TGFB2: variants seen among roughly 807,000 people sequenced by gnomAD.
TGFB2 encodes the protein transforming growth factor beta 2.
A neutral mutation model predicts 42.7 loss-of-function variants in TGFB2; 13 were observed. The observed-to-expected ratio is 0.30, with a 90% confidence interval of 0.20 to 0.48. The LOEUF (loss-of-function observed/expected upper bound fraction) is 0.48. Ranked by LOEUF, TGFB2 falls within the 20% of genes least tolerant of loss-of-function variation. The pLI is 0.99. For synonymous variants in TGFB2, 193 were observed against 193.6 expected (o/e 1.00, Z 0.03); for missense variants, 390 against 517.5 (o/e 0.75, Z 2.39).
At chr1:218,393,550 A>G (rs1198203502) in intron 1 of TGFB2, among the ~76,000 whole-genome samples, 2 of 152,184 alleles carry the variant, frequency 1.3e-5, no homozygotes, top group Non-Finnish European at 2.9e-5. Context: ...TGGCCTCATT[A>G]AAAGCCATGA....
At chr1:218,369,118 G>GT (rs1657485628) in intron 1 of TGFB2, among the ~76,000 whole-genome samples, 2 of 151,970 alleles carry the variant, frequency 1.3e-5, no homozygotes, top group African/African-American at 4.8e-5. Flanking sequence ...AGCTGGGCAT[G>GT]GTGGCATGCA....
intron 1 of TGFB2, among the ~76,000 whole-genome samples, chr1:218,385,318 C>G (rs1658097148): frequency 6.6e-6 from 1 of 152,190 alleles, no homozygotes; most frequent in Non-Finnish European, 1.5e-5. Flanking sequence ...AGTTGAAGTA[C>G]AGTGATGCCA....
intron 1 of TGFB2, among the ~76,000 whole-genome samples, chr1:218,382,346 T>C (rs1314859307): frequency 6.6e-6 from 1 of 152,164 alleles, no homozygotes. Flanking sequence ...ATCAATGTTT[T>C]TAGCTGAAGG....
At chr1:218,361,905 G>T (rs1657223749) in intron 1 of TGFB2, among the ~76,000 whole-genome samples, 1 of 152,288 alleles carries the variant, frequency 6.6e-6, no homozygotes, top group South Asian at 2.1e-4. Context: ...GCAGCATATG[G>T]TGGCAACATG....
chr1:218,414,147 G>T (rs543093293), intron 2 of TGFB2, among the ~76,000 whole-genome samples: 1 of 152,088 alleles, frequency 6.6e-6, no homozygotes, highest in South Asian at 2.1e-4. Context: ...ATTGAAAGGT[G>T]GGGTTTTTGT....
At chr1:218,387,525 C>A (rs1039382260) in intron 1 of TGFB2, among the ~76,000 whole-genome samples, 1 of 152,108 alleles carries the variant, frequency 6.6e-6, no homozygotes, top group African/African-American at 2.4e-5. Flanking sequence ...CAGGTAGTGT[C>A]TCTCCTAGCC....
intron 2 of TGFB2, among the ~76,000 whole-genome samples, chr1:218,413,839 G>A (rs962225653): frequency 2.0e-5 from 3 of 152,128 alleles, no homozygotes; most frequent in Non-Finnish European, 2.9e-5. Context: ...AGAGGCTATC[G>A]GTTGCAAGGA....
At chr1:218,368,439 T>G (rs1657460413) in intron 1 of TGFB2, among the ~76,000 whole-genome samples, 1 of 152,194 alleles carries the variant, frequency 6.6e-6, no homozygotes, top group African/African-American at 2.4e-5. Flanking sequence ...GCCCGGCCTA[T>G]TCAGCTGTGT....
At chr1:218,428,643 C>T (rs1464995541) in intron 2 of TGFB2, among the ~76,000 whole-genome samples, 7 of 152,080 alleles carry the variant, frequency 4.6e-5, no homozygotes, top group South Asian at 2.1e-4. Context: ...ATCAGATGGT[C>T]GTAGATGTGT....
At chr1:218,381,563 G>A (rs948455853) in intron 1 of TGFB2, among the ~76,000 whole-genome samples, 2 of 152,202 alleles carry the variant, frequency 1.3e-5, no homozygotes, top group Admixed American at 6.5e-5. Flanking sequence ...TGAAAGGCCA[G>A]ATTTTTAAGT....
At chr1:218,356,814 C>T (rs1657049593) in intron 1 of TGFB2, among the ~76,000 whole-genome samples, 2 of 152,178 alleles carry the variant, frequency 1.3e-5, no homozygotes, top group Admixed American at 1.3e-4. Context: ...ATGTAGACCT[C>T]ATCTCACCTC....
At chr1:218,393,129 A>C (rs896611686) in intron 1 of TGFB2, among the ~76,000 whole-genome samples, 1 of 152,238 alleles carries the variant, frequency 6.6e-6, no homozygotes, top group East Asian at 1.9e-4. Flanking sequence ...ACACCCATTA[A>C]GCATGTCAAA....
In TGFB2 at chr1:218,387,646, C is replaced by CACT. The variant is rs1558239531; in HGVS notation, c.347-17520_347-17518dup. ...AGATCTACAGAGAAATCAGTTGTAC[C>CACT]ACTACCTTCTCTTAATGCTCACTCC... On this transcript the variant is annotated intron_variant, in intron 1 of 6. Transcript: ENST00000366930. Among the ~76,000 whole-genome samples the CACT allele has an allele frequency of 6.6e-5, 10 of 152,204 alleles. No individual in the cohort carries two copies. In the South Asian group the frequency reaches 2.1e-3, roughly 32 times the overall value.
At chr1:218,434,507 T>TG in intron 4 of TGFB2, 59 bp downstream of exon 4, 1 of 1,084,608 alleles carries the variant, frequency 9.2e-7, no homozygotes, top group Non-Finnish European at 1.4e-6. Context: ...GATAATCTCA[T>TG]GGGGGATAAA....
intron 1 of TGFB2, among the ~76,000 whole-genome samples, chr1:218,399,126 C>T (rs1238401747): frequency 6.6e-6 from 1 of 152,130 alleles, no homozygotes; most frequent in Non-Finnish European, 1.5e-5. Flanking sequence ...TAGCCTTAAC[C>T]AATCCTCCCA....
At chr1:218,396,445 G>C (rs1275232618) in intron 1 of TGFB2, among the ~76,000 whole-genome samples, 1 of 152,080 alleles carries the variant, frequency 6.6e-6, no homozygotes, top group Non-Finnish European at 1.5e-5. Context: ...TGCATCTTTT[G>C]GGACAGACTG....
intron 1 of TGFB2, among the ~76,000 whole-genome samples, chr1:218,375,655 C>T (rs180946008): frequency 6.6e-6 from 1 of 152,220 alleles, no homozygotes; most frequent in East Asian, 1.9e-4. Flanking sequence ...AATCTCATGT[C>T]AGCATACATT....
chr1:218,374,802 G>A (rs141392633), intron 1 of TGFB2, among the ~76,000 whole-genome samples: 49 of 152,280 alleles, frequency 3.2e-4, no homozygotes, highest in African/African-American at 1.2e-3. Flanking sequence ...ATGAGACCCT[G>A]CTCCCTCTGT....
Position 218,405,343 on chromosome 1 carries a change from TTTGTTGTTGTTG to T in TGFB2, c.510+32_510+43del, listed in dbSNP as rs10482769. ...ATTGAGCTATATCAGGTAATGTTCA[TTTGTTGTTGTTG>T]TTGTTGTTGTTGTTGTTGTTTTAGA... is the stretch of plus-strand genomic sequence containing the variant. On this transcript the variant is annotated intron_variant, in intron 2 of 6. Transcript: ENST00000366930. 2.0e-5 allele frequency: 30 copies of T among 1,507,414 alleles called. No individual in the cohort carries two copies. The highest frequency in any genetic ancestry group is 1.5e-4 in the South Asian group (12 of 82,320). 93.4% of individuals were successfully genotyped at this position (1,507,414 alleles called of 1,614,324 possible).
Sources: allele counts gnomAD v4.1 joint callset (sites outside exome capture counted in the v4.1 genomes callset), GRCh38; gene constraint gnomAD v4.1.1; transcripts MANE v1.5; gene names NCBI Gene and HGNC (gene_info 2026-07-23, HGNC 2026-07-21).